Variants in KLF8 observed in about 807,000 individuals in gnomAD.
The protein encoded by KLF8 is KLF transcription factor 8.
A neutral mutation model predicts 18.2 loss-of-function variants in KLF8; 10 were observed. The ratio of observed to expected loss-of-function variants is 0.55; its 90% confidence interval spans 0.34 to 0.93. The LOEUF is 0.93. Among genes scored for constraint, KLF8 ranks in the 40% least tolerant of loss-of-function variants. The pLI is 0.02. For missense variants in KLF8, 264 were observed against 277.9 expected (o/e 0.95, Z 0.36); for synonymous variants, 109 against 97.3 (o/e 1.12, Z -0.71).
At chrX:56,041,062 G>A in the KLF8 span, among the ~76,000 whole-genome samples, 12,577 of 106,452 alleles carry the variant, frequency 0.12, 1,306 homozygotes, top group African/African-American at 0.33. Context: ...GGTGTTTATC[G>A]TATTCTCTGA....
At chrX:55,929,150 G>T in the KLF8 span, among the ~76,000 whole-genome samples, 2 of 112,177 alleles carry the variant, frequency 1.8e-5, no homozygotes, top group African/African-American at 6.5e-5. Flanking sequence ...TCATATATTT[G>T]TTGGCCGCAT....
At chrX:56,049,192 T>C in the KLF8 span, among the ~76,000 whole-genome samples, 7 of 111,636 alleles carry the variant, frequency 6.3e-5, no homozygotes, top group Middle Eastern at 4.2e-3. Context: ...TTTCTAGATA[T>C]ATAATCATGT....
the KLF8 span, among the ~76,000 whole-genome samples, chrX:56,127,531 T>C: frequency 0.53 from 58,070 of 109,579 alleles, 13,699 homozygotes; most frequent in Non-Finnish European, 0.73. Context: ...CCAGGCATGA[T>C]GGTGTGTGCC....
chrX:56,167,170 G>A, the KLF8 span, among the ~76,000 whole-genome samples: 113 of 111,115 alleles, frequency 1.0e-3, no homozygotes, highest in African/African-American at 3.5e-3. Context: ...TTGTTCTGTC[G>A]TCTAGGCTGA....
chrX:56,139,321 C>A, the KLF8 span, among the ~76,000 whole-genome samples: 1 of 111,432 alleles, frequency 9.0e-6, no homozygotes, highest in African/African-American at 3.3e-5. Flanking sequence ...TCACATGAAA[C>A]CAGAAAAGAG....
At chrX:56,126,713 G>A in the KLF8 span, among the ~76,000 whole-genome samples, 3 of 106,226 alleles carry the variant, frequency 2.8e-5, no homozygotes, top group Admixed American at 2.1e-4. Flanking sequence ...TATTTATATG[G>A]CTCACTTTCT....
At chrX:56,031,221 C>T in the KLF8 span, among the ~76,000 whole-genome samples, 1 of 111,866 alleles carries the variant, frequency 8.9e-6, no homozygotes, top group East Asian at 2.8e-4. Flanking sequence ...ACACCACACA[C>T]TTACCACAAA....
At chrX:56,120,909 G>T in the KLF8 span, among the ~76,000 whole-genome samples, 52 of 111,291 alleles carry the variant, frequency 4.7e-4, no homozygotes, top group Non-Finnish European at 7.2e-4. Flanking sequence ...ATTCCGGGCC[G>T]AACACAGTGG....
the KLF8 span, among the ~76,000 whole-genome samples, chrX:56,227,228 C>A: frequency 8.9e-6 from 1 of 112,130 alleles, no homozygotes; most frequent in Non-Finnish European, 1.9e-5. Flanking sequence ...CCTTTGGGGG[C>A]CTTCAGAGCC....
chrX:56,174,535 A>C, the KLF8 span, among the ~76,000 whole-genome samples: 2 of 112,091 alleles, frequency 1.8e-5, no homozygotes, highest in South Asian at 3.7e-4. Flanking sequence ...GATGTTCATC[A>C]AGGATATTCG....
the KLF8 span, among the ~76,000 whole-genome samples, chrX:56,050,441 G>A: frequency 8.9e-6 from 1 of 112,095 alleles, no homozygotes; most frequent in African/African-American, 3.2e-5. Flanking sequence ...TGCTTTGAAT[G>A]TGTCCCAGAG....
chrX:56,053,540 C>CCTTGTTT, the KLF8 span, among the ~76,000 whole-genome samples: 1 of 26,497 alleles, frequency 3.8e-5, no homozygotes, highest in Non-Finnish European at 8.8e-5. Context: ...GAAGTCTTTT[C>CCTTGTTT]TTTGTTTTTT....
the KLF8 span, among the ~76,000 whole-genome samples, chrX:56,095,469 G>A: frequency 1.8e-5 from 2 of 109,008 alleles, no homozygotes; most frequent in African/African-American, 3.5e-5. Flanking sequence ...AGACAAATGG[G>A]ACTTAAAGAG....
At chrX:56,257,128 A>G (rs2066808315) in intron 2 of KLF8, among the ~76,000 whole-genome samples, 1 of 111,542 alleles carries the variant, frequency 9.0e-6, no homozygotes, top group Non-Finnish European at 1.9e-5. Flanking sequence ...TCCTCTTGTT[A>G]TTAATTTCTA....
the KLF8 span, among the ~76,000 whole-genome samples, chrX:55,981,333 G>T: frequency 8.9e-6 from 1 of 112,340 alleles, no homozygotes; most frequent in Non-Finnish European, 1.9e-5. Context: ...CACAGTTTGT[G>T]AACTGAAGTG....
chrX:55,930,291 G>A, the KLF8 span, among the ~76,000 whole-genome samples: 1 of 111,801 alleles, frequency 8.9e-6, no homozygotes, highest in Non-Finnish European at 1.9e-5. Context: ...GGGCTGAGAC[G>A]ATGGGGTTTT....
intron 1 of KLF8, chrX:56,243,448 C>A (rs1302188198): frequency 1.0e-5 from 2 of 190,788 alleles, no homozygotes; most frequent in African/African-American, 6.2e-5. Context: ...CTTCTGAGTA[C>A]CTGCTGTGGT....
chrX:56,120,253 C>A, the KLF8 span, among the ~76,000 whole-genome samples: 2 of 111,559 alleles, frequency 1.8e-5, no homozygotes, highest in Non-Finnish European at 3.8e-5. Context: ...TAACAGTGCC[C>A]AGCTTTAGGT....
At chrX:56,210,424 T>G in the KLF8 span, among the ~76,000 whole-genome samples, 1 of 112,051 alleles carries the variant, frequency 8.9e-6, no homozygotes, top group African/African-American at 3.2e-5. Context: ...GGAGCTCTAT[T>G]ATATGTCGTT....
Sources: gnomAD v4.1 joint callset for allele counts (sites outside exome capture counted in the v4.1 genomes callset) on GRCh38, gnomAD v4.1.1 for gene constraint, MANE v1.5 for transcripts, NCBI Gene and HGNC (gene_info 2026-07-23, HGNC 2026-07-21) for gene names.